CTTNBP2NL: variants seen among roughly 807,000 people sequenced by gnomAD.
CTTNBP2NL encodes the protein CTTNBP2 N-terminal-like protein.
A neutral mutation model predicts 32.5 loss-of-function variants in CTTNBP2NL; 16 were observed. That is an observed-to-expected ratio of 0.49 (90% CI 0.33 to 0.75). The LOEUF (loss-of-function observed/expected upper bound fraction) is 0.75, where lower values mean the gene tolerates loss of function less well. Ranked by LOEUF, CTTNBP2NL falls within the 30% of genes least tolerant of loss-of-function variation. CTTNBP2NL has a pLI of 0.02. For synonymous variants in CTTNBP2NL, 298 were observed against 289.4 expected, an observed-to-expected ratio of 1.03 and a Z score of -0.30; for missense variants, 645 against 756.0, an observed-to-expected ratio of 0.85 and a Z score of 1.72.
intron 1 of CTTNBP2NL, among the ~76,000 whole-genome samples, chr1:112,408,724 A>G (rs1470235159): frequency 6.6e-6 from 1 of 152,132 alleles, no homozygotes; most frequent in Non-Finnish European, 1.5e-5. Context: ...AAAGTACATG[A>G]TCTAGTGGCA....
At position 112,452,335 on chromosome 1, in the gene CTTNBP2NL, C is replaced by CTTCTTTTTTTTTTTTTTTTTTTTTT. The variant is rs1553227272; in HGVS notation, c.331-2112_331-2111insCTTTTTTTTTTTTTTTTTTTTTTTT. Among the ~76,000 whole-genome samples the CTTCTTTTTTTTTTTTTTTTTTTTTT allele has an allele frequency of 4.1e-4, 27 of 65,722 alleles. 2 individuals are homozygous for CTTCTTTTTTTTTTTTTTTTTTTTTT. Among genetic ancestry groups the CTTCTTTTTTTTTTTTTTTTTTTTTT allele is most frequent in the African/African-American group, 1.6e-3 (26 of 16,414 alleles). 43.1% of individuals were successfully genotyped at this position (65,722 alleles called of 152,430 possible). ...GCATACACCACAGCACCAGTCTCTT[C>CTTCTTTTTTTTTTTTTTTTTTTTTT]TTTTTTTTTTTTTTTTTTTTTTTTT... On this transcript the variant is annotated intron_variant, in intron 4 of 5. Coordinates refer to ENST00000271277, the MANE Select transcript of CTTNBP2NL (RefSeq NM_018704.3).
chr1:112,394,173 A>C (rs1358338084), upstream of CTTNBP2NL, among the ~76,000 whole-genome samples: 2 of 151,386 alleles, frequency 1.3e-5, no homozygotes, highest in African/African-American at 4.9e-5. Context: ...ATTGCACTCC[A>C]GTCTGGGAGA....
chr1:112,431,116 AT>A (rs949515720), intron 3 of CTTNBP2NL, among the ~76,000 whole-genome samples: 1 of 152,222 alleles, frequency 6.6e-6, no homozygotes, highest in Non-Finnish European at 1.5e-5. Context: ...AACAGTACCT[AT>A]TTAGAGAACA....
intron 1 of CTTNBP2NL, among the ~76,000 whole-genome samples, chr1:112,404,009 A>G (rs1245339410): frequency 2.0e-5 from 3 of 152,268 alleles, no homozygotes; most frequent in African/African-American, 7.2e-5. Flanking sequence ...GAAGCTGACC[A>G]GTCACTAACT....
intron 3 of CTTNBP2NL, among the ~76,000 whole-genome samples, chr1:112,441,433 T>A (rs184060973): frequency 1.2e-4 from 19 of 152,328 alleles, no homozygotes; most frequent in African/African-American, 4.1e-4. Context: ...TGCACCACAT[T>A]CTGTTTATTC....
At chr1:112,441,877 G>GTT (rs1649900463) in intron 3 of CTTNBP2NL, among the ~76,000 whole-genome samples, 2 of 151,954 alleles carry the variant, frequency 1.3e-5, no homozygotes, top group Non-Finnish European at 1.5e-5. Flanking sequence ...TTTGTATATG[G>GTT]TATAAGGTAT....
chr1:112,454,408 T>TC, intron 4 of CTTNBP2NL, 41 bp from the exon 5 acceptor site: 4 of 1,444,750 alleles, frequency 2.8e-6, no homozygotes, highest in Non-Finnish European at 3.9e-6. Flanking sequence ...TAAATGTGAC[T>TC]CCTTGATATT....
rs369671802 is a variant in CTTNBP2NL, at chr1:112,452,293, A to G, written c.331-2156A>G. Among the ~76,000 whole-genome samples the G allele has an allele frequency of 1.2e-4, 17 of 144,978 alleles. No individual in the cohort carries two copies. The East Asian group carries it at 1.2e-3, about 10-fold the overall frequency. ...TCCAGTGATCCACCTCAGCCTCCCTAGTATCTGGGACTACAAGCATACACC... is the reference window on the plus strand; with the variant it reads ...TCCAGTGATCCACCTCAGCCTCCCTGGTATCTGGGACTACAAGCATACACC... On this transcript the variant is annotated intron_variant, in intron 4 of 5. Coordinates refer to ENST00000271277, the MANE Select transcript of CTTNBP2NL (RefSeq NM_018704.3).
chr1:112,405,797 A>G (rs912019970), intron 1 of CTTNBP2NL, among the ~76,000 whole-genome samples: 1 of 152,224 alleles, frequency 6.6e-6, no homozygotes, highest in Non-Finnish European at 1.5e-5. Context: ...TCACAGAGAG[A>G]TATAGCAGAG....
upstream of CTTNBP2NL, among the ~76,000 whole-genome samples, chr1:112,394,116 G>C (rs768283888): frequency 1.6e-4 from 24 of 151,372 alleles, no homozygotes; most frequent in Non-Finnish European, 2.9e-4. Flanking sequence ...TGAGGCAGGA[G>C]AATCGCTTGA....
At chr1:112,405,308 C>CT (rs1648626590) in intron 1 of CTTNBP2NL, among the ~76,000 whole-genome samples, 1 of 152,004 alleles carries the variant, frequency 6.6e-6, no homozygotes, top group Non-Finnish European at 1.5e-5. Context: ...ACCTTTTGTT[C>CT]TTGTTTTGAG....
At chr1:112,410,627 T>C (rs1323414111) in intron 1 of CTTNBP2NL, among the ~76,000 whole-genome samples, 1 of 152,226 alleles carries the variant, frequency 6.6e-6, no homozygotes, top group African/African-American at 2.4e-5. Flanking sequence ...ATTTATAGAC[T>C]GTAGCATTCC....
intron 1 of CTTNBP2NL, among the ~76,000 whole-genome samples, chr1:112,410,942 C>G (rs1370753911): frequency 6.6e-6 from 1 of 152,154 alleles, no homozygotes. Flanking sequence ...GGGAATGAGT[C>G]TATAGACACC....
At position 112,457,167 on chromosome 1, in the gene CTTNBP2NL, C is replaced by CT; in HGVS notation, c.1676dup (p.Ser560GlufsTer16). The CT allele has an allele frequency of 6.2e-7, 1 of 1,614,198 alleles. No homozygotes were observed. ...TACTCCAGGGAAAGTGTCCAGTCCC[C>CT]TGAGCCCCCTGTCTCCAGGAATCAA... On this transcript the variant is annotated frameshift_variant, in exon 6 of 6. Coordinates refer to ENST00000271277, the MANE Select transcript of CTTNBP2NL (RefSeq NM_018704.3). LOFTEE classifies it high-confidence loss of function.
Position 112,457,607 on chromosome 1 carries a change from T to C in CTTNBP2NL, c.*195T>C, listed in dbSNP as rs1650410673. ...TTTGGATTTTTATGGCTCACATCTT[T>C]TTACTGAAGCCAGAAAGGCACCTCA... On this transcript the variant is annotated 3_prime_UTR_variant, in exon 6 of 6. Transcript: ENST00000271277. 1.9e-6 allele frequency: 1 copy of C among 539,150 alleles called. No homozygotes were observed. Among genetic ancestry groups the C allele is most frequent in the East Asian group, 3.1e-5 (1 of 32,342 alleles). The allele number at this position is 539,150 out of a possible 1,614,324, so 33.4% of individuals were successfully genotyped here.
In CTTNBP2NL at chr1:112,407,136, G is replaced by T. The variant is rs78363758; in HGVS notation, c.-133-5058G>T. On this transcript the variant is annotated intron_variant, in intron 1 of 5. Transcript: ENST00000271277. ...TAATATGGCTGGGAAAAAACAGACT[G>T]ATAAGGCAAAATAAGGCATTCTGAG... 6.2e-3 allele frequency among the ~76,000 whole-genome samples: 948 copies of T among 152,266 alleles called. 11 individuals are homozygous for T. The highest frequency in any genetic ancestry group is 0.035 in the East Asian group (182 of 5,184).
intron 1 of CTTNBP2NL, among the ~76,000 whole-genome samples, chr1:112,399,928 GC>G (rs1648444186): frequency 6.6e-6 from 1 of 151,816 alleles, no homozygotes; most frequent in Non-Finnish European, 1.5e-5. Context: ...AACTAGCCAG[GC>G]ATGGTGATGG....
At chr1:112,454,359 TA>T in intron 4 of CTTNBP2NL, 89 bp from the exon 5 acceptor site, 1 of 904,494 alleles carries the variant, frequency 1.1e-6, no homozygotes, top group Non-Finnish European at 1.8e-6. Flanking sequence ...TGGAACTATC[TA>T]AGGTGCCTGA....
At chr1:112,422,310 A>G (rs922671050) in intron 3 of CTTNBP2NL, among the ~76,000 whole-genome samples, 2 of 152,206 alleles carry the variant, frequency 1.3e-5, no homozygotes, top group African/African-American at 4.8e-5. Context: ...CGTTGTGTAT[A>G]TTGATAGCTC....
Sources: allele counts gnomAD v4.1 joint callset (sites outside exome capture counted in the v4.1 genomes callset), GRCh38; gene constraint gnomAD v4.1.1; transcripts MANE v1.5; gene names NCBI Gene and HGNC (gene_info 2026-07-23, HGNC 2026-07-21).